The following LRRC2 variants were observed in gnomAD, a reference collection of about 807,000 sequenced individuals.
LRRC2 encodes the protein leucine-rich repeat-containing protein 2.
Under a neutral mutation model 40.2 loss-of-function variants are expected in LRRC2, and 27 were observed. The ratio of observed to expected loss-of-function variants is 0.67; its 90% CI spans 0.49 to 0.93. The LOEUF (loss-of-function observed/expected upper bound fraction) is 0.93, where lower values mean the gene tolerates loss of function less well. Ranked by LOEUF, LRRC2 falls within the 40% of genes least tolerant of loss-of-function variation. The pLI is 0.00. For missense variants in LRRC2, 402 were observed against 439.6 expected (o/e 0.91, Z 0.76); for synonymous variants, 147 against 158.9 (o/e 0.92, Z 0.56).
intron 1 of LRRC2, among the ~76,000 whole-genome samples, chr3:46,551,860 A>G (rs961712105): frequency 1.3e-5 from 2 of 148,594 alleles, no homozygotes; most frequent in Non-Finnish European, 3.0e-5. Context: ...ATGCAGTGGC[A>G]CGATCATAGC....
At position 46,529,975 on chromosome 3, in the gene LRRC2, G is replaced by A. The variant is rs143409476; in HGVS notation, c.703C>T (p.Arg235Trp). The change falls in exon 6 of 9, where the codon CGG becomes TGG. Residue 235 changes from arginine to tryptophan, a missense_variant. Physicochemically the swap from Arg to Trp is moderately radical, Grantham distance 101. Coordinates refer to ENST00000395905, the MANE Select transcript of LRRC2 (RefSeq NM_024512.5). ...TCCAACCACTGCAAATTCGACATCC[G>A]CAGGACACAGATTGGGACACTGGAA... is the stretch of plus-strand genomic sequence containing the variant. ...KFSSVPICVL[R>W]MSNLQWLDIS... The A allele has an allele frequency of 8.6e-5, 139 of 1,613,940 alleles. 2 individuals carry two copies. Among genetic ancestry groups the A allele is most frequent in the Non-Finnish European group, 1.1e-4 (128 of 1,180,000 alleles).
intron 8 of LRRC2, among the ~76,000 whole-genome samples, chr3:46,519,444 A>G (rs1255996435): frequency 6.6e-6 from 1 of 152,206 alleles, no homozygotes; most frequent in African/African-American, 2.4e-5. Context: ...GGTACCGTTT[A>G]TAAGAGAAGT....
intron 7 of LRRC2, among the ~76,000 whole-genome samples, chr3:46,522,760 AACACACAC>A (rs71098411): frequency 0.011 from 1,610 of 143,420 alleles, 36 homozygotes; most frequent in African/African-American, 0.037. Context: ...AACTACTGCT[AACACACAC>A]ACACACACAC....
intron 4 of LRRC2, among the ~76,000 whole-genome samples, chr3:46,534,267 T>C (rs1704225817): frequency 6.6e-6 from 1 of 152,214 alleles, no homozygotes; most frequent in South Asian, 2.1e-4. Flanking sequence ...TCCTCCTTTT[T>C]ATGGCTGCAT....
chr3:46,553,781 C>A (rs1452738093), intron 1 of LRRC2, among the ~76,000 whole-genome samples: 1 of 152,228 alleles, frequency 6.6e-6, no homozygotes, highest in Non-Finnish European at 1.5e-5. Flanking sequence ...AGCCATCATG[C>A]CTGGCCAAAA....
At chr3:46,551,943 G>A (rs1026360647) in intron 1 of LRRC2, among the ~76,000 whole-genome samples, 2 of 151,918 alleles carry the variant, frequency 1.3e-5, no homozygotes, top group African/African-American at 4.8e-5. Context: ...TGGGACTACA[G>A]GATCACACCA....
chr3:46,554,944 G>A (rs960275559), intron 1 of LRRC2, among the ~76,000 whole-genome samples: 1 of 152,136 alleles, frequency 6.6e-6, no homozygotes, highest in Non-Finnish European at 1.5e-5. Context: ...CCTAGTAGGT[G>A]TGAAGAGGTA....
chr3:46,533,129 G>A (rs1704191399), intron 4 of LRRC2, among the ~76,000 whole-genome samples: 4 of 152,124 alleles, frequency 2.6e-5, no homozygotes, highest in African/African-American at 7.2e-5. Context: ...TGTGATAAGC[G>A]TCCAACATTA....
At chr3:46,525,835 C>A (rs1160255928) in intron 7 of LRRC2, among the ~76,000 whole-genome samples, 1 of 152,138 alleles carries the variant, frequency 6.6e-6, no homozygotes, top group African/African-American at 2.4e-5. Flanking sequence ...TAATACTATT[C>A]ATGTAAGAGG....
intron 4 of LRRC2, 36 bp from the exon 5 acceptor site, chr3:46,532,945 T>A: frequency 6.3e-7 from 1 of 1,598,218 alleles, no homozygotes; most frequent in Non-Finnish European, 8.5e-7. Context: ...ATTGAATAGG[T>A]CGTTTAAGGT....
intron 8 of LRRC2, 103 bp from the exon 9 acceptor site, chr3:46,519,166 T>C: frequency 1.3e-6 from 1 of 792,802 alleles, no homozygotes; most frequent in Non-Finnish European, 2.2e-6. Context: ...ATACACCCAT[T>C]ATTGTCACTT....
chr3:46,554,001 T>C (rs533125384), intron 1 of LRRC2, among the ~76,000 whole-genome samples: 2 of 150,034 alleles, frequency 1.3e-5, no homozygotes, highest in East Asian at 3.9e-4. Flanking sequence ...GTTGTTTCAT[T>C]GGTTGTTGTT....
At chr3:46,529,206 C>G (rs764654122) in intron 6 of LRRC2, among the ~76,000 whole-genome samples, 12 of 151,892 alleles carry the variant, frequency 7.9e-5, no homozygotes, top group Non-Finnish European at 1.5e-4. Context: ...GCTTGCCATA[C>G]AGGAGTCTAA....
intron 4 of LRRC2, among the ~76,000 whole-genome samples, chr3:46,533,708 TCC>T (rs1704200788): frequency 2.0e-5 from 2 of 98,462 alleles, no homozygotes; most frequent in Non-Finnish European, 2.2e-5. Flanking sequence ...ACAGTTTCCT[TCC>T]TTCCTTCCTT....
chr3:46,531,922 C>T (rs749654154), intron 5 of LRRC2, among the ~76,000 whole-genome samples: 1 of 152,186 alleles, frequency 6.6e-6, no homozygotes, highest in East Asian at 1.9e-4. Flanking sequence ...GCATGAGATG[C>T]TTATTGAGTT....
intron 7 of LRRC2, among the ~76,000 whole-genome samples, chr3:46,522,543 C>G (rs1703982196): frequency 6.6e-6 from 1 of 151,652 alleles, no homozygotes. Context: ...GAGACTCCAT[C>G]TCTACAAGAA....
intron 6 of LRRC2, among the ~76,000 whole-genome samples, chr3:46,528,660 T>C (rs1704102510): frequency 6.6e-6 from 1 of 152,198 alleles, no homozygotes. Flanking sequence ...AAAGTTCCCA[T>C]GTTGCAAACT....
intron 7 of LRRC2, among the ~76,000 whole-genome samples, chr3:46,522,416 T>TAAATAAATAAAC (rs1283378333): frequency 4.1e-5 from 6 of 145,986 alleles, no homozygotes; most frequent in African/African-American, 1.5e-4. Flanking sequence ...AATAAATAAA[T>TAAATAAATAAAC]AAACAAACGA....
At position 46,532,829 on chromosome 3, in the gene LRRC2, T is replaced by C; in HGVS notation, c.571A>G (p.Asn191Asp). ...CCAGAACAATCCAGTCTCTCTAGAT[T>C]TTCACAATCTCCCAATTCTGGAGGA... ...SIPPELGDCE[N>D]LERLDCSGNL... Residue 191 changes from asparagine to aspartate, a missense_variant, in exon 5 of 9, where the codon AAT (asparagine) becomes GAT (aspartate). Asn to Asp is a conservative substitution (Grantham distance 23). Transcript: ENST00000395905. 6.2e-7 allele frequency: 1 copy of C among 1,614,018 alleles called. No individual in the cohort carries two copies.
Sources: gnomAD v4.1 joint callset for allele counts (sites outside exome capture counted in the v4.1 genomes callset) on GRCh38, gnomAD v4.1.1 for gene constraint, MANE v1.5 for transcripts, NCBI Gene and HGNC (gene_info 2026-07-23, HGNC 2026-07-21) for gene names.